NUCB2: variants seen among roughly 807,000 people sequenced by gnomAD.
The protein encoded by NUCB2 is nucleobindin 2.
Under a neutral mutation model 57.9 loss-of-function variants are expected in NUCB2, and 48 were observed. That is an observed-to-expected ratio of 0.83 (90% CI 0.66 to 1.05). NUCB2 has a LOEUF of 1.05. Among genes scored for constraint, NUCB2 ranks in the 50% least tolerant of loss-of-function variants. NUCB2 has a pLI of 0.00. For synonymous variants in NUCB2, 139 were observed against 152.1 expected (o/e 0.91, Z 0.64); for missense variants, 442 against 476.2 (o/e 0.93, Z 0.67).
At chr11:17,312,248 T>G (rs1044566766) in intron 10 of NUCB2, 128 bp downstream of exon 10, 1 of 607,394 alleles carries the variant, frequency 1.6e-6, no homozygotes, top group Middle Eastern at 4.7e-4. Flanking sequence ...TTTTGTTTTT[T>G]TTTTGAGACA....
In NUCB2 at chr11:17,330,152, C is replaced by T; in HGVS notation, c.1028C>T (p.Thr343Ile). 2.6e-6 allele frequency: 4 copies of T among 1,540,660 alleles called. No individual in the cohort carries two copies. Among genetic ancestry groups the T allele is most frequent in the Non-Finnish European group, 3.6e-6 (4 of 1,124,302 alleles). ...WETLDQQQFFTEEELKEYENI... is the reference protein window; with the variant it reads ...WETLDQQQFFIEEELKEYENI... ...ACATTAGATCAGCAACAGTTCTTCA[C>T]AGAGGAAGAACTAAAAGAATATGAA... The change falls in exon 12 of 14, where the codon ACA (threonine) becomes ATA (isoleucine). Residue 343 changes from threonine (T) to isoleucine (I), a missense_variant. Physicochemically the swap from Thr to Ile is moderately conservative, Grantham distance 89. Coordinates refer to ENST00000529010, the MANE Select transcript of NUCB2 (RefSeq NM_005013.4). This position sits in a 1 kb window ranked among gnomAD's most constrained non-coding sequence, Gnocchi z 4.3.
chr11:17,291,645 C>T (rs1256234294), intron 2 of NUCB2, among the ~76,000 whole-genome samples: 1 of 150,474 alleles, frequency 6.6e-6, no homozygotes, highest in Non-Finnish European at 1.5e-5. Flanking sequence ...CTCTTTCTTG[C>T]AAAAGTTAAA....
intron 2 of NUCB2, among the ~76,000 whole-genome samples, chr11:17,285,804 A>G (rs1943627206): frequency 6.6e-6 from 1 of 151,816 alleles, no homozygotes; most frequent in Non-Finnish European, 1.5e-5. Context: ...TTCCAAGGAA[A>G]GAGAAAATTT....
At chr11:17,315,571 A>T (rs1188238263) in intron 11 of NUCB2, 96 bp downstream of exon 11, 1 of 605,844 alleles carries the variant, frequency 1.7e-6, no homozygotes, top group African/African-American at 1.9e-5. Context: ...GTTTGCATGT[A>T]TAGTCTTACT....
chr11:17,347,547 T>G (rs1442621785), intron 2 of NUCB2, among the ~76,000 whole-genome samples: 2 of 152,242 alleles, frequency 1.3e-5, no homozygotes, highest in Non-Finnish European at 2.9e-5. Flanking sequence ...CAAATATTTT[T>G]TTAATCATAA....
intron 3 of NUCB2, 104 bp from the exon 4 acceptor site, chr11:17,296,000 G>A (rs1225594242): frequency 1.1e-5 from 6 of 570,730 alleles, no homozygotes; most frequent in Admixed American, 6.6e-5. Flanking sequence ...AAGTAAATAT[G>A]TCTTAATGCC....
At chr11:17,285,508 C>G (rs1191539691) in intron 2 of NUCB2, among the ~76,000 whole-genome samples, 14 of 150,212 alleles carry the variant, frequency 9.3e-5, no homozygotes, top group African/African-American at 2.7e-4. Context: ...ACCCAGGAGG[C>G]GGAGGTTGCA....
At chr11:17,284,192 A>G (rs1943222183) in intron 2 of NUCB2, among the ~76,000 whole-genome samples, 1 of 151,918 alleles carries the variant, frequency 6.6e-6, no homozygotes, top group Non-Finnish European at 1.5e-5. Flanking sequence ...TAATTTTTGT[A>G]TTTTTAGTAG....
At chr11:17,344,669 A>ATACAATT (rs779295888) in intron 2 of NUCB2, among the ~76,000 whole-genome samples, 12 of 152,214 alleles carry the variant, frequency 7.9e-5, no homozygotes, top group Non-Finnish European at 1.3e-4. Flanking sequence ...CTTTTCTCTA[A>ATACAATT]GGAAGCCTTT....
chr11:17,295,249 T>C (rs1024264583), intron 2 of NUCB2, 75 bp from the exon 3 acceptor site: 11 of 1,270,738 alleles, frequency 8.7e-6, no homozygotes, highest in African/African-American at 3.1e-5. Context: ...ATATGATTAA[T>C]GTGACATTCG....
chr11:17,286,931 T>A (rs550477627), intron 2 of NUCB2, among the ~76,000 whole-genome samples: 88 of 152,212 alleles, frequency 5.8e-4, no homozygotes, highest in Admixed American at 1.1e-3. Context: ...ATTTTTTTTT[T>A]AAATACAGTT....
chr11:17,332,402 C>A (rs998724224), downstream of NUCB2: 21 of 151,534 alleles, frequency 1.4e-4, 1 homozygote, highest in Non-Finnish European at 1.5e-4. Flanking sequence ...GATTCTTTTA[C>A]TAAGGAAGAA....
At chr11:17,300,967 C>CTTTTTTTTT (rs71047541) in intron 4 of NUCB2, among the ~76,000 whole-genome samples, 4 of 84,390 alleles carry the variant, frequency 4.7e-5, no homozygotes, top group Non-Finnish European at 9.0e-5. Flanking sequence ...TAAAGCTAAT[C>CTTTTTTTTT]TTTTTTTTTT....
At chr11:17,347,177 G>A (rs1374176467) in intron 2 of NUCB2, among the ~76,000 whole-genome samples, 1 of 152,198 alleles carries the variant, frequency 6.6e-6, no homozygotes, top group Non-Finnish European at 1.5e-5. Flanking sequence ...AGGCAGGAAG[G>A]CTCTAAGTGC....
chr11:17,286,036 G>A (rs1034266089), intron 2 of NUCB2, among the ~76,000 whole-genome samples: 1 of 151,830 alleles, frequency 6.6e-6, no homozygotes, highest in African/African-American at 2.4e-5. Context: ...GTGTATGAAT[G>A]GAAATTTTAT....
intron 11 of NUCB2, among the ~76,000 whole-genome samples, chr11:17,318,218 T>C (rs777982408): frequency 1.3e-4 from 20 of 151,890 alleles, no homozygotes; most frequent in East Asian, 1.9e-4. Flanking sequence ...GATGTCGTCA[T>C]GTTGACCAGG....
At chr11:17,297,869 G>A (rs1946077375) in intron 4 of NUCB2, among the ~76,000 whole-genome samples, 1 of 151,956 alleles carries the variant, frequency 6.6e-6, no homozygotes, top group African/African-American at 2.4e-5. Context: ...GGATCATGAG[G>A]TCAGGAGTTC....
At chr11:17,294,159 A>G (rs1355245634) in intron 2 of NUCB2, among the ~76,000 whole-genome samples, 1 of 152,226 alleles carries the variant, frequency 6.6e-6, no homozygotes, top group African/African-American at 2.4e-5. Flanking sequence ...GAGGTGATTC[A>G]TAGTGAGAAG....
chr11:17,345,437 G>GGT (rs1952636299), intron 2 of NUCB2, among the ~76,000 whole-genome samples: 1 of 152,098 alleles, frequency 6.6e-6, no homozygotes, highest in African/African-American at 2.4e-5. Flanking sequence ...GGCTGGGTGC[G>GGT]GTGGCTCACG....
Sources: allele counts gnomAD v4.1 joint callset (sites outside exome capture counted in the v4.1 genomes callset), GRCh38; gene constraint gnomAD v4.1.1; non-coding constraint Gnocchi (gnomAD v3.1); transcripts MANE v1.5; gene names NCBI Gene and HGNC (gene_info 2026-07-23, HGNC 2026-07-21).